The following ZSWIM5 variants were observed in gnomAD, a reference collection of about 807,000 sequenced individuals.
ZSWIM5 encodes zinc finger SWIM-type containing 5.
In ZSWIM5, 55 loss-of-function variants were observed where a neutral mutation model predicts 119.6. The ratio of observed to expected loss-of-function variants is 0.46; its 90% CI spans 0.37 to 0.58. ZSWIM5 has a LOEUF of 0.58. Among genes scored for constraint, ZSWIM5 ranks in the 20% least tolerant of loss-of-function variants. The probability of loss-of-function intolerance (pLI) is 0.00; values close to 1 mark genes in which losing one functional copy is unlikely to be tolerated. For synonymous variants in ZSWIM5, 537 were observed against 606.9 expected, an observed-to-expected ratio of 0.88 and a Z score of 1.69; for missense variants, 1,193 against 1,512.8, an observed-to-expected ratio of 0.79 and a Z score of 3.51.
At chr1:45,070,324 G>C (rs1645213898) in intron 2 of ZSWIM5, 9 of 1,416,322 alleles carry the variant, frequency 6.4e-6, no homozygotes, top group African/African-American at 1.4e-5. Flanking sequence ...GCCACCACCA[G>C]AGCATACACA....
At chr1:45,028,543 G>C (rs1012101936) in intron 11 of ZSWIM5, among the ~76,000 whole-genome samples, 4 of 152,046 alleles carry the variant, frequency 2.6e-5, no homozygotes, top group African/African-American at 9.7e-5. Context: ...ATCACCTGAG[G>C]TCAGGAGTTT....
intron 1 of ZSWIM5, among the ~76,000 whole-genome samples, chr1:45,132,983 T>G (rs1168026113): frequency 2.0e-5 from 3 of 152,226 alleles, no homozygotes; most frequent in Non-Finnish European, 2.9e-5. Flanking sequence ...ATGGTGTATA[T>G]GTGCCACATT....
intron 1 of ZSWIM5, among the ~76,000 whole-genome samples, chr1:45,190,865 T>G (rs1466770609): frequency 2.0e-5 from 3 of 150,820 alleles, no homozygotes; most frequent in Admixed American, 2.0e-4. Context: ...GCCAACCAGA[T>G]TTGGCTCTCT....
chr1:45,061,147 T>A (rs1041156432), intron 2 of ZSWIM5, among the ~76,000 whole-genome samples: 4 of 152,160 alleles, frequency 2.6e-5, no homozygotes, highest in Non-Finnish European at 1.5e-5. Flanking sequence ...GTCTGTTAAC[T>A]CCTTACTCAC....
At chr1:45,133,726 G>A (rs983393703) in intron 1 of ZSWIM5, among the ~76,000 whole-genome samples, 3 of 152,046 alleles carry the variant, frequency 2.0e-5, no homozygotes, top group African/African-American at 7.3e-5. Flanking sequence ...TTTTCTTCTA[G>A]GGTTTTTATG....
At chr1:45,134,580 T>A (rs1385520194) in intron 1 of ZSWIM5, among the ~76,000 whole-genome samples, 2 of 152,046 alleles carry the variant, frequency 1.3e-5, no homozygotes, top group South Asian at 4.1e-4. Flanking sequence ...CAAGAGAAAA[T>A]TTCCATCCAG....
At chr1:45,156,907 G>A (rs1645830102) in intron 1 of ZSWIM5, among the ~76,000 whole-genome samples, 1 of 151,934 alleles carries the variant, frequency 6.6e-6, no homozygotes, top group African/African-American at 2.4e-5. Flanking sequence ...CAATAAGAGA[G>A]TTCAGCAAAG....
intron 1 of ZSWIM5, among the ~76,000 whole-genome samples, chr1:45,180,245 C>G (rs888273218): frequency 2.0e-5 from 3 of 152,186 alleles, no homozygotes; most frequent in Non-Finnish European, 2.9e-5. Flanking sequence ...CTGCGCTTTT[C>G]CGACGGGCTT....
chr1:45,205,732 G>A, intron 1 of ZSWIM5, 24 bp downstream of exon 1: 2 of 1,538,466 alleles, frequency 1.3e-6, no homozygotes, highest in Admixed American at 1.8e-5. Context: ...CTGAGGACCC[G>A]AGAACGCCTG....
At position 45,060,743 on chromosome 1, in the gene ZSWIM5, T is replaced by C. The variant is rs551690518; in HGVS notation, c.953-496A>G. On this transcript the variant is annotated intron_variant, in intron 2 of 13. Transcript: ENST00000359600. ...CTGCTGGAGTGCAGTAGCGTGATCA[T>C]GGTTCATGGCAGCCTCGACCTCCCA... is the stretch of plus-strand genomic sequence containing the variant. Among the ~76,000 whole-genome samples, 78 of 152,336 alleles carry C rather than the reference T, an allele frequency of 5.1e-4. 1 individual carries two copies. The highest frequency in any genetic ancestry group is 9.0e-4 in the Non-Finnish European group (61 of 68,028).
Position 45,166,481 on chromosome 1 carries a change from G to A in ZSWIM5, c.595+39275C>T, listed in dbSNP as rs558420563. 1.1e-3 allele frequency among the ~76,000 whole-genome samples: 160 copies of A among 152,100 alleles called. 3 individuals are homozygous for A. The highest frequency in any genetic ancestry group is 6.8e-3 in the Middle Eastern group (2 of 294). ...AAGTTCTGGCCAGGGCAATCAGGCA[G>A]GAGAAAGAAATAAAGGGTACTCAAT... is the stretch of plus-strand genomic sequence containing the variant. On this transcript the variant is annotated intron_variant, in intron 1 of 13. Transcript: ENST00000359600.
intron 1 of ZSWIM5, among the ~76,000 whole-genome samples, chr1:45,128,186 A>T (rs1421582947): frequency 6.6e-6 from 1 of 152,026 alleles, no homozygotes; most frequent in Admixed American, 6.6e-5. Flanking sequence ...AAAAAGAAGA[A>T]TAAGGTAGAA....
At chr1:45,086,417 T>C (rs1183156015) in intron 2 of ZSWIM5, among the ~76,000 whole-genome samples, 2 of 152,224 alleles carry the variant, frequency 1.3e-5, no homozygotes, top group African/African-American at 4.8e-5. Context: ...AAAAAATTCT[T>C]ATGTCAAATG....
chr1:45,087,226 A>G (rs1213432562), intron 2 of ZSWIM5, among the ~76,000 whole-genome samples: 3 of 152,182 alleles, frequency 2.0e-5, no homozygotes, highest in Admixed American at 6.5e-5. Context: ...TTAGGCTTCT[A>G]CAATCTGGTT....
chr1:45,139,725 G>A (rs71653955), intron 1 of ZSWIM5, among the ~76,000 whole-genome samples: 2 of 104,786 alleles, frequency 1.9e-5, no homozygotes, highest in Non-Finnish European at 3.7e-5. Context: ...TTTTGGTAGA[G>A]ACAGGGTCTT....
chr1:45,121,201 T>C (rs1406583016), intron 1 of ZSWIM5, among the ~76,000 whole-genome samples: 1 of 152,218 alleles, frequency 6.6e-6, no homozygotes, highest in East Asian at 1.9e-4. Context: ...TCTGCTCGTC[T>C]CAGCCTCCCA....
chr1:45,089,367 G>C (rs2149012213), intron 1 of ZSWIM5, among the ~76,000 whole-genome samples: 1 of 152,276 alleles, frequency 6.6e-6, no homozygotes, highest in Admixed American at 6.5e-5. Flanking sequence ...AGTTTAATGA[G>C]ACCTTAAGTA....
rs950170306 is a variant in ZSWIM5, at chr1:45,072,535, T to C, written c.953-12288A>G. 1.3e-5 allele frequency among the ~76,000 whole-genome samples: 2 copies of C among 152,022 alleles called. No individual in the cohort carries two copies. The highest frequency in any genetic ancestry group is 2.1e-4 in the South Asian group (1 of 4,834). ...AGAGAGTTTCCCCAATGTTTTCTTG[T>C]AGTAGTTTCATAGTTTCAGGTCTTA... On this transcript the variant is annotated intron_variant, in intron 2 of 13. Coordinates refer to ENST00000359600, the MANE Select transcript of ZSWIM5 (RefSeq NM_020883.2). This position sits in a 1 kb window ranked among gnomAD's most constrained non-coding sequence, Gnocchi z 4.1.
intron 1 of ZSWIM5, among the ~76,000 whole-genome samples, chr1:45,167,134 C>A (rs1424235399): frequency 2.0e-5 from 3 of 151,132 alleles, no homozygotes; most frequent in African/African-American, 7.3e-5. Context: ...GATATAGACC[C>A]ATGGAACAGA....
Sources: gnomAD v4.1 joint callset for allele counts (sites outside exome capture counted in the v4.1 genomes callset) on GRCh38, gnomAD v4.1.1 for gene constraint, Gnocchi (gnomAD v3.1) non-coding constraint, MANE v1.5 for transcripts, NCBI Gene and HGNC (gene_info 2026-07-23, HGNC 2026-07-21) for gene names.